The following F5 variants were observed in gnomAD, a reference collection of about 807,000 sequenced individuals.
F5 encodes coagulation factor V.
F5 carries 138 observed loss-of-function variants against 216.4 expected under a neutral mutation model. The ratio of observed to expected loss-of-function variants is 0.64; its 90% confidence interval spans 0.56 to 0.73. F5 has a LOEUF of 0.73. Among genes scored for constraint, F5 ranks in the 30% least tolerant of loss-of-function variants. The pLI, the probability that F5 is intolerant of heterozygous loss-of-function variation, is 0.00. For synonymous variants in F5, 916 were observed against 930.7 expected, an observed-to-expected ratio of 0.98 and a Z score of 0.29; for missense variants, 2,403 against 2,674.0, an observed-to-expected ratio of 0.90 and a Z score of 2.24.
rs555047699 is a variant in F5 at position 169,564,524 on chromosome 1, A to G, written c.374-3758T>C. ...TTGTTACTCTTCTTTTACTGTCTTGAGTTGTCTGTCATTCGATGTCTGAAA... is the reference window on the plus strand; with the variant it reads ...TTGTTACTCTTCTTTTACTGTCTTGGGTTGTCTGTCATTCGATGTCTGAAA... On this transcript the variant is annotated intron_variant, in intron 3 of 24. Coordinates refer to ENST00000367797, the MANE Select transcript of F5 (RefSeq NM_000130.5). Among the ~76,000 whole-genome samples the G allele has an allele frequency of 1.7e-4, 26 of 152,084 alleles. No homozygotes were observed. The East Asian group carries it at 4.8e-3, about 28-fold the overall frequency.
rs191164515 is a variant in F5 at position 169,562,078 on chromosome 1, A to G, written c.374-1312T>C. 1.8e-3 allele frequency among the ~76,000 whole-genome samples: 272 copies of G among 152,010 alleles called. 1 individual carries two copies. The highest frequency in any genetic ancestry group is 5.9e-3 in the African/African-American group (243 of 41,466). ...CATATAATAACATTTACCACTTTTAAGTATAATATTTGCTGAGCTTTGATT... is the reference window on the plus strand; with the variant it reads ...CATATAATAACATTTACCACTTTTAGGTATAATATTTGCTGAGCTTTGATT... On this transcript the variant is annotated intron_variant, in intron 3 of 24. Transcript: ENST00000367797.
At chr1:169,573,352 T>G (rs1398307602) in intron 2 of F5, among the ~76,000 whole-genome samples, 1 of 152,184 alleles carries the variant, frequency 6.6e-6, no homozygotes, top group Admixed American at 6.5e-5. Flanking sequence ...AAGTTCATCA[T>G]AGCTGCTGTG....
intron 2 of F5, among the ~76,000 whole-genome samples, chr1:169,573,211 G>C (rs2101840625): frequency 6.6e-6 from 1 of 152,252 alleles, no homozygotes; most frequent in Admixed American, 6.5e-5. Context: ...GCCTCCCAAA[G>C]TGCTGGGATT....
At chr1:169,515,393 A>T (rs1659134513) in intron 24 of F5, 51 bp downstream of exon 24, 1 of 1,598,270 alleles carries the variant, frequency 6.3e-7, no homozygotes. Context: ...TGTTATTCTC[A>T]TTATAGCACA....
intron 12 of F5, among the ~76,000 whole-genome samples, chr1:169,543,699 A>G (rs545926566): frequency 4.6e-5 from 7 of 152,330 alleles, no homozygotes; most frequent in Non-Finnish European, 8.8e-5. Context: ...TGAGTCTCCA[A>G]TAGTTACCAT....
chr1:169,534,296 G>C lies in F5; in HGVS notation c.4971+2210C>G, dbSNP rs548525017. Among the ~76,000 whole-genome samples the C allele has an allele frequency of 4.6e-5, 7 of 152,304 alleles. No individual in the cohort carries two copies. In the South Asian group the frequency reaches 1.5e-3, roughly 32 times the overall value. On this transcript the variant is annotated intron_variant, in intron 14 of 24. Transcript: ENST00000367797. ...CCCTTCCTTCTTTAACTTGGTGTCTGAGGGGTTTTTGTCTGTGGCTTGTCC... is the reference window on the plus strand; with the variant it reads ...CCCTTCCTTCTTTAACTTGGTGTCTCAGGGGTTTTTGTCTGTGGCTTGTCC...
At chr1:169,544,181 A>G in intron 12 of F5, 115 bp downstream of exon 12, 2 of 803,814 alleles carry the variant, frequency 2.5e-6, no homozygotes, top group South Asian at 2.9e-5. Flanking sequence ...AAAAGCCTGC[A>G]GGGGGTCAGG....
In F5 at chr1:169,541,453, G is replaced by C. The variant is rs1348469282; in HGVS notation, c.3637C>G (p.Leu1213Val). The change falls in exon 13 of 25, where the codon CTC (leucine) becomes GTC (valine). Residue 1213 changes from leucine to valine, a missense_variant. Transcript: ENST00000367797. ...NLSPDLSHTT[L>V]SPELIQRNLS... ...TTTCTCTGAATGAGTTCTGGAGAGA[G>C]AGTCGTGTGGCTGAGGTCTGGAGAG... is the stretch of plus-strand genomic sequence containing the variant. 23 of 1,614,084 alleles carry C rather than the reference G, an allele frequency of 1.4e-5. No individual in the cohort carries two copies. The East Asian group carries it at 4.2e-4, about 30-fold the overall frequency.
In F5 at chr1:169,526,024, T is replaced by C. The variant is rs1659439621; in HGVS notation, c.5600-7A>G. On this transcript the variant is annotated splice_region_variant and splice_polypyrimidine_tract_variant and intron_variant, in intron 17 of 24. Transcript: ENST00000367797. ...TCAAGAGTTTTAAATGAACCTAAAA[T>C]AAAAAGAACAACATTACATTTGCAA... The C allele has an allele frequency of 1.3e-6, 2 of 1,592,058 alleles. No individual in the cohort carries two copies.
chr1:169,520,125 A>G (rs978848416), intron 22 of F5, among the ~76,000 whole-genome samples: 3 of 152,204 alleles, frequency 2.0e-5, no homozygotes, highest in African/African-American at 7.2e-5. Context: ...CACCATATAT[A>G]TGGCAGTGAT....
At chr1:169,564,504 A>C (rs1660555664) in intron 3 of F5, among the ~76,000 whole-genome samples, 1 of 151,624 alleles carries the variant, frequency 6.6e-6, no homozygotes. Flanking sequence ...CTGGTTTGTT[A>C]CTCTTCTTTT....
At chr1:169,519,716 T>A (rs1352658970) in intron 22 of F5, among the ~76,000 whole-genome samples, 5 of 152,216 alleles carry the variant, frequency 3.3e-5, no homozygotes, top group African/African-American at 9.6e-5. Context: ...ACCTATTTAT[T>A]GATCCCTCTT....
chr1:169,562,226 T>C (rs1660500237), intron 3 of F5, among the ~76,000 whole-genome samples: 1 of 152,124 alleles, frequency 6.6e-6, no homozygotes, highest in South Asian at 2.1e-4. Flanking sequence ...ACCACTAATC[T>C]GCTTTATTTC....
At position 169,513,239 on chromosome 1, in the gene F5, TC is replaced by T. The variant is rs1659074473; in HGVS notation, c.*1073del. ...ATCAAGCTAAGTAACAAATCCATAATCTCACATAAATTTTTTTTGGTTGCTC... is the reference window on the plus strand; with the variant it reads ...ATCAAGCTAAGTAACAAATCCATAATTCACATAAATTTTTTTTGGTTGCTC... On this transcript the variant is annotated 3_prime_UTR_variant, in exon 25 of 25. Coordinates refer to ENST00000367797, the MANE Select transcript of F5 (RefSeq NM_000130.5). 6.6e-6 allele frequency among the ~76,000 whole-genome samples: 1 copy of T among 152,202 alleles called. No homozygotes were observed. The highest frequency in any genetic ancestry group is 2.4e-5 in the African/African-American group (1 of 41,558).
Position 169,541,514 on chromosome 1 carries a change from C to G in F5, c.3576G>C (p.Gln1192His). The G allele has an allele frequency of 9.9e-6, 16 of 1,613,518 alleles. No individual in the cohort carries two copies. Among genetic ancestry groups the G allele is most frequent in the Non-Finnish European group, 1.4e-5 (16 of 1,179,832 alleles). The change falls in exon 13 of 25, where the codon CAG becomes CAC. Residue 1192 changes from glutamine to histidine, a missense_variant. Gln to His is a conservative substitution (Grantham distance 24). This residue lies in a region of F5 where 1,425 missense variants were observed against 1,554.8 expected (regional missense o/e 0.92). Transcript: ENST00000367797. ...GGCTGAGTTCTGGAGAGAGGGTCACCTGGCTGAGGTCTGGAGAGATGACTG... is the reference window on the plus strand; with the variant it reads ...GGCTGAGTTCTGGAGAGAGGGTCACGTGGCTGAGGTCTGGAGAGATGACTG... ...WQTVISPDLS[Q>H]VTLSPELSQT...
At chr1:169,559,098 C>T (rs889985284) in intron 5 of F5, 55 bp downstream of exon 5, 30 of 1,607,588 alleles carry the variant, frequency 1.9e-5, no homozygotes, top group African/African-American at 1.7e-4. Flanking sequence ...AAAACAGGAC[C>T]GAAAAATTAC....
rs1375147587 is a variant in F5, at chr1:169,528,015, T to A, written c.5499A>T (p.Ile1833=). 1.2e-6 allele frequency: 2 copies of A among 1,613,960 alleles called. No homozygotes were observed. Among genetic ancestry groups the A allele is most frequent in the Non-Finnish European group, 1.7e-6 (2 of 1,179,880 alleles). The change falls in exon 17 of 25, where the codon ATA becomes ATT. Residue 1833 remains isoleucine (I), a synonymous_variant. Transcript: ENST00000367797. ...CCACGTGAATGTCTTGGGAGCCGCC[T>A]ATGTTCAGCAGGTGTAACCTCACCC... ...QEWVRLHLLN[I]GGSQDIHVVH...
In F5 at chr1:169,556,700, C is replaced by G; in HGVS notation, c.898G>C (p.Val300Leu). 6.2e-7 allele frequency: 1 copy of G among 1,614,080 alleles called. No individual in the cohort carries two copies. Among genetic ancestry groups the G allele is most frequent in the East Asian group, 2.2e-5 (1 of 44,876 alleles). The stretch of plus-strand genomic sequence containing the variant: ...ATGATCCACTTTCCCTCTGGGCCCA[C>G]AGTCATATTTGCGGTAGTGGATGTA... ...SATSTTANMT[V>L]GPEGKWIISS... Residue 300 changes from valine (V) to leucine (L), a missense_variant, in exon 6 of 25, where the codon GTG becomes CTG. Val to Leu is a conservative substitution (Grantham distance 32). Transcript: ENST00000367797.
chr1:169,571,295 T>C (rs1660717098), intron 3 of F5, among the ~76,000 whole-genome samples: 1 of 152,114 alleles, frequency 6.6e-6, no homozygotes, highest in Non-Finnish European at 1.5e-5. Context: ...ATTGTCATCA[T>C]TATTTATAGA....
Sources: gnomAD v4.1 joint callset for allele counts (sites outside exome capture counted in the v4.1 genomes callset) on GRCh38, gnomAD v4.1.1 for gene constraint, gnomAD v4.1.1 regional missense constraint, MANE v1.5 for transcripts, NCBI Gene and HGNC (gene_info 2026-07-23, HGNC 2026-07-21) for gene names.